EPB41L4A: variants seen among roughly 807,000 people sequenced by gnomAD.
The protein encoded by EPB41L4A is erythrocyte membrane protein band 4.1 like 4A.
In EPB41L4A, 100 loss-of-function variants were observed where a neutral mutation model predicts 108.6. That is an observed-to-expected ratio of 0.92 (90% CI 0.78 to 1.09). The LOEUF is 1.09. Ranked by LOEUF, EPB41L4A falls within the 50% of genes least tolerant of loss-of-function variation. EPB41L4A has a pLI of 0.00. For missense variants in EPB41L4A, 1,030 were observed against 842.7 expected (o/e 1.22, Z -2.75); for synonymous variants, 319 against 289.0 (o/e 1.10, Z -1.05).
At chr5:112,258,367 A>G (rs2150432835) in intron 9 of EPB41L4A, among the ~76,000 whole-genome samples, 1 of 152,314 alleles carries the variant, frequency 6.6e-6, no homozygotes, top group South Asian at 2.1e-4. Flanking sequence ...CATAAGCACC[A>G]ATTTACTTTT....
At chr5:112,386,321 C>T (rs1410249673) in intron 1 of EPB41L4A, among the ~76,000 whole-genome samples, 1 of 152,132 alleles carries the variant, frequency 6.6e-6, no homozygotes, top group African/African-American at 2.4e-5. Flanking sequence ...CTGTCTAATG[C>T]TAAATCATTT....
At chr5:112,148,241 G>C (rs1296822476) in intron 12 of EPB41L4A, among the ~76,000 whole-genome samples, 1 of 147,776 alleles carries the variant, frequency 6.8e-6, no homozygotes, top group South Asian at 2.1e-4. Context: ...CTATACAAAA[G>C]TAGTTTCCAT....
intron 1 of EPB41L4A, among the ~76,000 whole-genome samples, chr5:112,362,239 G>A (rs1247511982): frequency 6.6e-6 from 1 of 151,510 alleles, no homozygotes; most frequent in African/African-American, 2.4e-5. Flanking sequence ...CAACTGGTTG[G>A]GACTACAGGC....
chr5:112,206,746 C>T (rs1032459706), intron 13 of EPB41L4A, among the ~76,000 whole-genome samples: 1 of 151,972 alleles, frequency 6.6e-6, no homozygotes, highest in African/African-American at 2.4e-5. Flanking sequence ...GCATTCACAC[C>T]CTAAGGTATT....
chr5:112,417,716 A>G (rs1339813348), intron 1 of EPB41L4A, among the ~76,000 whole-genome samples: 1 of 152,232 alleles, frequency 6.6e-6, no homozygotes, highest in Admixed American at 6.5e-5. Flanking sequence ...TGCTCAGTAT[A>G]ATTACTGGGG....
In EPB41L4A at chr5:112,218,538, T is replaced by C. The variant is rs149116342; in HGVS notation, c.1088-8556A>G. Among the ~76,000 whole-genome samples, 505 of 152,324 alleles carry C rather than the reference T, an allele frequency of 3.3e-3. 2 individuals are homozygous for C. The highest frequency in any genetic ancestry group is 0.012 in the African/African-American group (480 of 41,580). ...GCCATCTCTCAAGCCCCACAATTTA[T>C]GCTTGCTTGGTCTAGGGCAGGTGGA... On this transcript the variant is annotated intron_variant, in intron 12 of 22. Transcript: ENST00000261486.
At chr5:112,418,729 G>C (rs1468818437) in intron 1 of EPB41L4A, among the ~76,000 whole-genome samples, 1 of 152,074 alleles carries the variant, frequency 6.6e-6, no homozygotes, top group Non-Finnish European at 1.5e-5. Context: ...ACTTAGAAAC[G>C]TCAAACTCAA....
In EPB41L4A at chr5:112,259,916, TA is replaced by T. The variant is rs1751377825; in HGVS notation, c.705del (p.Asn235LysfsTer95). 1.2e-6 allele frequency: 2 copies of T among 1,614,116 alleles called. No individual in the cohort carries two copies. Among genetic ancestry groups the T allele is most frequent in the Non-Finnish European group, 1.7e-6 (2 of 1,179,930 alleles). ...CAGAAATACTTCCCCACTTGCTTTT[TA>T]TTCTTGTACACAACAACACCAACCG... ...LTPVGVVVYK[N>X]KKQVGKYFWP... On this transcript the variant is annotated frameshift_variant, in exon 8 of 23. Coordinates refer to ENST00000261486, the MANE Select transcript of EPB41L4A (RefSeq NM_022140.5). LOFTEE classifies it high-confidence loss of function.
intron 2 of EPB41L4A, among the ~76,000 whole-genome samples, chr5:112,290,199 T>C (rs966375584): frequency 1.3e-5 from 2 of 152,234 alleles, no homozygotes; most frequent in Admixed American, 1.3e-4. Context: ...TGTGTATCTT[T>C]GACTTCCAAA....
At chr5:112,153,951 A>T (rs1401482901) in intron 12 of EPB41L4A, among the ~76,000 whole-genome samples, 3 of 152,166 alleles carry the variant, frequency 2.0e-5, no homozygotes, top group African/African-American at 7.2e-5. Flanking sequence ...GTATCTCTAA[A>T]TAACTCAAAA....
At chr5:112,300,059 G>T (rs530015377) in intron 2 of EPB41L4A, among the ~76,000 whole-genome samples, 2 of 152,224 alleles carry the variant, frequency 1.3e-5, no homozygotes, top group African/African-American at 4.8e-5. Flanking sequence ...TGAGTCTCTT[G>T]AAGGCAGCAG....
Position 112,169,172 on chromosome 5 carries a change from T to G in EPB41L4A, c.1740-67A>C, listed in dbSNP as rs1443834115. On this transcript the variant is annotated intron_variant, in intron 20 of 22. Transcript: ENST00000261486. ...TCAGAAAAGGAAAAGTAGGAGTTCT[T>G]AATATTGAAACCGCAAAAGAATAAC... The G allele has an allele frequency of 2.6e-6, 3 of 1,132,840 alleles. No individual in the cohort carries two copies. The African/African-American group carries it at 4.6e-5, about 17-fold the overall frequency. 70.2% of individuals were successfully genotyped at this position (1,132,840 alleles called of 1,614,324 possible).
intron 12 of EPB41L4A, among the ~76,000 whole-genome samples, chr5:112,234,212 T>A (rs1346360549): frequency 7.4e-6 from 1 of 134,966 alleles, no homozygotes; most frequent in African/African-American, 2.6e-5. Flanking sequence ...AAATAAAATA[T>A]AAATAAAATA....
At position 112,165,117 on chromosome 5, in the gene EPB41L4A, C is replaced by G. The variant is rs774146701; in HGVS notation, c.1934G>C (p.Arg645Thr). The G allele has an allele frequency of 5.9e-6, 6 of 1,017,620 alleles. No homozygotes were observed. Among genetic ancestry groups the G allele is most frequent in the African/African-American group, 4.2e-5 (1 of 23,540 alleles). 63.0% of individuals were successfully genotyped at this position (1,017,620 alleles called of 1,614,324 possible). A position where few individuals can be genotyped will look rare whatever the true frequency, so the allele number is the denominator to read the frequency against. The change falls in exon 23 of 23, where the codon AGA (arginine) becomes ACA (threonine). Residue 645 changes from arginine (R) to threonine (T), a missense_variant and splice_region_variant. Arg to Thr is a moderately conservative substitution (Grantham distance 71, BLOSUM62 -1). Transcript: ENST00000261486. ...CAGGCTATCTTTAGACCCATTTCTTCTCTAAAATATATTTGAAAAATGTAG... is the reference window on the plus strand; with the variant it reads ...CAGGCTATCTTTAGACCCATTTCTTGTCTAAAATATATTTGAAAAATGTAG... Reference protein sequence around the residue: ...QGSGDATVHQRRNGSKDSLME... With the variant: ...QGSGDATVHQTRNGSKDSLME...
chr5:112,155,980 T>A (rs1726333436), intron 12 of EPB41L4A, among the ~76,000 whole-genome samples: 1 of 152,112 alleles, frequency 6.6e-6, no homozygotes, highest in African/African-American at 2.4e-5. Flanking sequence ...AAAAAATAAC[T>A]ATAGTCTCAT....
At chr5:112,368,306 C>T (rs712682) in intron 1 of EPB41L4A, among the ~76,000 whole-genome samples, 34,469 of 151,946 alleles carry the variant, frequency 0.23, 4,055 homozygotes, top group Middle Eastern at 0.27. Flanking sequence ...ATTATCTTGT[C>T]TGAGGCCATT....
intron 11 of EPB41L4A, among the ~76,000 whole-genome samples, chr5:112,236,928 G>C (rs1231282596): frequency 6.6e-6 from 1 of 152,190 alleles, no homozygotes; most frequent in Non-Finnish European, 1.5e-5. Context: ...ACACAAAGGA[G>C]GTTCTTAGGA....
At chr5:112,354,544 A>C (rs1409549952) in intron 1 of EPB41L4A, among the ~76,000 whole-genome samples, 1 of 152,144 alleles carries the variant, frequency 6.6e-6, no homozygotes, top group Non-Finnish European at 1.5e-5. Context: ...GGTGTGGAGG[A>C]ATCATTACTT....
chr5:112,212,046 TC>T (rs1351926223), intron 12 of EPB41L4A, among the ~76,000 whole-genome samples: 5 of 152,136 alleles, frequency 3.3e-5, no homozygotes, highest in African/African-American at 1.2e-4. Context: ...ACCAATTAAT[TC>T]CCTGGAACTA....
Sources: allele counts gnomAD v4.1 joint callset (sites outside exome capture counted in the v4.1 genomes callset), GRCh38; gene constraint gnomAD v4.1.1; transcripts MANE v1.5; gene names NCBI Gene and HGNC (gene_info 2026-07-23, HGNC 2026-07-21).